Variants in CNBD1 observed in about 807,000 individuals in gnomAD.
CNBD1 encodes the protein cyclic nucleotide-binding domain-containing protein 1.
Under a neutral mutation model 54.4 loss-of-function variants are expected in CNBD1, and 71 were observed. That is an observed-to-expected ratio of 1.30 (90% CI 1.08 to 1.59). CNBD1 has a LOEUF of 1.59. Ranked by LOEUF, CNBD1 falls within the 40% of genes most tolerant of loss-of-function variation. The probability of loss-of-function intolerance (pLI) is 0.00; values close to 1 mark genes in which losing one functional copy is unlikely to be tolerated. For missense variants in CNBD1, 659 were observed against 518.0 expected, an observed-to-expected ratio of 1.27 and a Z score of -2.64; for synonymous variants, 182 against 170.7, an observed-to-expected ratio of 1.07 and a Z score of -0.51.
At chr8:86,955,075 C>T (rs1314097889) in intron 4 of CNBD1, among the ~76,000 whole-genome samples, 1 of 150,058 alleles carries the variant, frequency 6.7e-6, no homozygotes, top group Non-Finnish European at 1.5e-5. Flanking sequence ...TGAGTGAGAA[C>T]ATGCGGTGTT....
chr8:87,285,599 G>C (rs1563538129), intron 7 of CNBD1, among the ~76,000 whole-genome samples: 1 of 152,082 alleles, frequency 6.6e-6, no homozygotes. Context: ...AGCCGGGCTT[G>C]GTGGCACATC....
intron 6 of CNBD1, among the ~76,000 whole-genome samples, chr8:87,260,560 C>A (rs34379153): frequency 1.3e-5 from 2 of 151,830 alleles, no homozygotes; most frequent in African/African-American, 2.4e-5. Flanking sequence ...TGATTTTTAC[C>A]ATTCATTCCA....
chr8:87,264,628 G>A lies in CNBD1; in HGVS notation c.772-20050G>A, dbSNP rs1054749517. Among the ~76,000 whole-genome samples the A allele has an allele frequency of 3.5e-4, 54 of 152,182 alleles. No homozygotes were observed. The East Asian group carries it at 4.4e-3, about 13-fold the overall frequency. ...ACAGTCCCACCAACAGTGTAAAAGC[G>A]TTCCTATTTCTCCACATCCTCTCCA... On this transcript the variant is annotated intron_variant, in intron 6 of 10. Transcript: ENST00000518476.
chr8:87,363,965 T>G (rs576550173), intron 10 of CNBD1, among the ~76,000 whole-genome samples: 1 of 129,438 alleles, frequency 7.7e-6, no homozygotes, highest in African/African-American at 2.8e-5. Flanking sequence ...CTAGGAAATT[T>G]TGGTTTTTTT....
intron 4 of CNBD1, among the ~76,000 whole-genome samples, chr8:87,122,352 C>T (rs1208574331): frequency 2.0e-5 from 3 of 151,698 alleles, no homozygotes; most frequent in Admixed American, 6.6e-5. Context: ...TGTATGTCTT[C>T]TTTGAGAAAT....
chr8:87,341,023 A>C (rs184697781), intron 8 of CNBD1, among the ~76,000 whole-genome samples: 6 of 152,234 alleles, frequency 3.9e-5, no homozygotes, highest in African/African-American at 1.4e-4. Flanking sequence ...TTTTTCATAC[A>C]TACGTTCATA....
At chr8:87,386,941 G>T (rs1024027494), downstream of CNBD1, among the ~76,000 whole-genome samples, 1 of 152,082 alleles carries the variant, frequency 6.6e-6, no homozygotes, top group Non-Finnish European at 1.5e-5. Context: ...GAAGAGAGTG[G>T]GGGCCAAAAT....
At chr8:87,197,638 G>T (rs1813749715) in intron 4 of CNBD1, among the ~76,000 whole-genome samples, 1 of 152,132 alleles carries the variant, frequency 6.6e-6, no homozygotes, top group African/African-American at 2.4e-5. Context: ...CAGAAGGAAG[G>T]TGAAAAATAG....
intron 10 of CNBD1, among the ~76,000 whole-genome samples, chr8:87,377,952 T>G (rs1282907164): frequency 2.1e-5 from 3 of 145,984 alleles, no homozygotes; most frequent in Non-Finnish European, 4.5e-5. Context: ...AAATGTCTTC[T>G]TTTGAGAAGT....
chr8:86,870,448 C>T (rs549531672), intron 1 of CNBD1, among the ~76,000 whole-genome samples: 66 of 151,954 alleles, frequency 4.3e-4, no homozygotes, highest in African/African-American at 1.5e-3. Context: ...CCACCCGCCT[C>T]GGCCTCTCAA....
At chr8:86,938,030 C>G (rs561743862) in intron 3 of CNBD1, among the ~76,000 whole-genome samples, 9 of 152,108 alleles carry the variant, frequency 5.9e-5, no homozygotes, top group Non-Finnish European at 1.0e-4. Context: ...TAATAGCACC[C>G]AAATCAGCTC....
At position 87,057,393 on chromosome 8, in the gene CNBD1, G is replaced by T. The variant is rs559296351; in HGVS notation, c.431+117639G>T. On this transcript the variant is annotated intron_variant, in intron 4 of 10. Coordinates refer to ENST00000518476, the MANE Select transcript of CNBD1 (RefSeq NM_173538.3). ...GAACTCCATCAGTATCATGAGAACA[G>T]CATGGGAGTCATCACCACCATGATT... is the stretch of plus-strand genomic sequence containing the variant. Among the ~76,000 whole-genome samples the T allele has an allele frequency of 1.9e-4, 29 of 152,252 alleles. No homozygotes were observed. In the South Asian group the frequency reaches 6.0e-3, roughly 32 times the overall value.
At chr8:86,950,054 T>A (rs1807573203) in intron 4 of CNBD1, among the ~76,000 whole-genome samples, 1 of 16,294 alleles carries the variant, frequency 6.1e-5, no homozygotes, top group African/African-American at 2.0e-4. Flanking sequence ...CCTCCCGGGT[T>A]TTTTTTTTTT....
At chr8:87,342,114 A>G (rs1233606055) in intron 8 of CNBD1, among the ~76,000 whole-genome samples, 2 of 152,086 alleles carry the variant, frequency 1.3e-5, no homozygotes, top group Non-Finnish European at 2.9e-5. Context: ...TCTACTAAAA[A>G]TACAAAAAAT....
chr8:86,915,996 T>G lies in CNBD1; in HGVS notation c.272+10802T>G, dbSNP rs932903661. Among the ~76,000 whole-genome samples, 14 of 152,174 alleles carry G rather than the reference T, an allele frequency of 9.2e-5. 1 individual carries two copies. Among genetic ancestry groups the G allele is most frequent in the Admixed American group, 5.2e-4 (8 of 15,276 alleles). On this transcript the variant is annotated intron_variant, in intron 3 of 10. Coordinates refer to ENST00000518476, the MANE Select transcript of CNBD1 (RefSeq NM_173538.3). ...AAGATAATATTTTTGTATTAACTTTTGATGTATCTTCCCTTATGAGTATTT... is the reference window on the plus strand; with the variant it reads ...AAGATAATATTTTTGTATTAACTTTGGATGTATCTTCCCTTATGAGTATTT...
chr8:87,406,062 CT>C (rs561486214), intron 2 of CNBD1, among the ~76,000 whole-genome samples: 1 of 151,944 alleles, frequency 6.6e-6, no homozygotes, highest in South Asian at 2.1e-4. Context: ...ATTTATCAAC[CT>C]AAAACATTAC....
chr8:86,973,328 C>G (rs182384551), intron 4 of CNBD1, among the ~76,000 whole-genome samples: 1 of 152,182 alleles, frequency 6.6e-6, no homozygotes, highest in Non-Finnish European at 1.5e-5. Context: ...TTTTAAACAT[C>G]TATCTATACA....
At chr8:86,970,630 C>A (rs928594590) in intron 4 of CNBD1, among the ~76,000 whole-genome samples, 1 of 151,694 alleles carries the variant, frequency 6.6e-6, no homozygotes, top group Non-Finnish European at 1.5e-5. Context: ...TAGTAGTCCA[C>A]AGTGTCCATT....
intron 8 of CNBD1, among the ~76,000 whole-genome samples, chr8:87,346,445 A>G (rs1273186450): frequency 6.6e-6 from 1 of 151,866 alleles, no homozygotes; most frequent in Admixed American, 6.6e-5. Context: ...TAAAATTTCT[A>G]TTTGGTTATT....
Sources: gnomAD v4.1 joint callset for allele counts (sites outside exome capture counted in the v4.1 genomes callset) on GRCh38, gnomAD v4.1.1 for gene constraint, MANE v1.5 for transcripts, NCBI Gene and HGNC (gene_info 2026-07-23, HGNC 2026-07-21) for gene names.